The following IQSEC2 variants were observed in gnomAD, a reference collection of about 807,000 sequenced individuals.
The protein encoded by IQSEC2 is IQ motif and SEC7 domain-containing protein 2.
IQSEC2 carries 6 observed loss-of-function variants against 74.6 expected under a neutral mutation model. That is an observed-to-expected ratio of 0.08 (90% CI 0.04 to 0.16). IQSEC2 has a LOEUF of 0.16. IQSEC2 is among the 10% of genes least tolerant of loss of function. The pLI, the probability that IQSEC2 is intolerant of heterozygous loss-of-function variation, is 1.00. For missense variants in IQSEC2, 734 were observed against 1,306.2 expected, an observed-to-expected ratio of 0.56 and a Z score of 6.75; for synonymous variants, 494 against 544.5, an observed-to-expected ratio of 0.91 and a Z score of 1.29.
intron 7 of IQSEC2, among the ~76,000 whole-genome samples, chrX:53,247,616 A>G (rs943220562): frequency 8.9e-6 from 1 of 112,246 alleles, no homozygotes; most frequent in African/African-American, 3.2e-5. Context: ...TGATCTCCAA[A>G]GCATTTATAG....
At chrX:53,281,384 G>A in intron 2 of IQSEC2, 1 of 449,865 alleles carries the variant, frequency 2.2e-6, no homozygotes, top group South Asian at 4.0e-5. Flanking sequence ...CAGAGTCCAA[G>A]AAGGGAGCCA....
intron 2 of IQSEC2, among the ~76,000 whole-genome samples, chrX:53,291,665 T>G (rs782156631): frequency 9.0e-6 from 1 of 111,045 alleles, no homozygotes; most frequent in Non-Finnish European, 1.9e-5. Flanking sequence ...AGCTCCCAAG[T>G]CAACTAGTGT....
chrX:53,245,994 C>T (rs145423141), intron 8 of IQSEC2, among the ~76,000 whole-genome samples: 1,987 of 109,233 alleles, frequency 0.018, 120 homozygotes, highest in Admixed American at 0.16. Context: ...TCCTGAGTGG[C>T]TGGGATTACA....
At chrX:53,236,273 C>T in intron 13 of IQSEC2, 49 bp downstream of exon 13, 1 of 1,149,758 alleles carries the variant, frequency 8.7e-7, no homozygotes, top group Non-Finnish European at 1.2e-6. Context: ...GCAAAGAGGA[C>T]ACCCGGTCCC....
At chrX:53,287,812 C>A (rs1009084147) in intron 2 of IQSEC2, among the ~76,000 whole-genome samples, 1 of 112,242 alleles carries the variant, frequency 8.9e-6, no homozygotes, top group African/African-American at 3.2e-5. Context: ...GGCCAGGCGG[C>A]GGCAGAACAC....
intron 2 of IQSEC2, among the ~76,000 whole-genome samples, chrX:53,280,260 AG>A (rs1358833122): frequency 9.1e-6 from 1 of 109,633 alleles, no homozygotes; most frequent in Admixed American, 9.6e-5. Flanking sequence ...CCTCACAGGA[AG>A]GGAGGAAGGG....
Position 53,247,153 on chromosome X carries a change from T to A in IQSEC2, c.2583-18A>T, listed in dbSNP as rs782309526. The A allele has an allele frequency of 3.3e-6, 4 of 1,203,913 alleles. No individual in the cohort carries two copies. In the South Asian group the frequency reaches 7.2e-5, roughly 22 times the overall value. ...ACCGCTGGCTGCAGGGCAGGAGGGG[T>A]CAAAGCCAGACTCAGGAACCAGCCA... On this transcript the variant is annotated intron_variant, in intron 7 of 14. Transcript: ENST00000642864.
At chrX:53,275,992 C>T (rs1556869494) in intron 2 of IQSEC2, among the ~76,000 whole-genome samples, 1 of 111,018 alleles carries the variant, frequency 9.0e-6, no homozygotes, top group Non-Finnish European at 1.9e-5. Flanking sequence ...TGAGCCACCA[C>T]GCCCAGCCAC....
At chrX:53,266,533 C>T (rs937441027) in intron 2 of IQSEC2, 9 of 757,479 alleles carry the variant, frequency 1.2e-5, no homozygotes, top group Admixed American at 8.4e-5. Context: ...GTCCTGCCCC[C>T]GTCTGGTCCT....
chrX:53,309,408 T>C (rs1397158931), intron 1 of IQSEC2, among the ~76,000 whole-genome samples: 3 of 112,341 alleles, frequency 2.7e-5, no homozygotes, highest in Non-Finnish European at 5.6e-5. Context: ...TTGATTTAGT[T>C]TGTCAAAACA....
intron 1 of IQSEC2, among the ~76,000 whole-genome samples, chrX:53,308,163 C>CAAAAAAAAA (rs142766855): frequency 5.3e-5 from 2 of 37,775 alleles, no homozygotes; most frequent in African/African-American, 1.1e-4. Context: ...GACTCCATCT[C>CAAAAAAAAA]AAAAAAAAAA....
chrX:53,257,681 T>C (rs200418386), intron 2 of IQSEC2, among the ~76,000 whole-genome samples: 2 of 112,366 alleles, frequency 1.8e-5, no homozygotes, highest in African/African-American at 6.5e-5. Context: ...TCAGAAGAGA[T>C]AGCCCAAGTC....
At chrX:53,263,864 T>C (rs1339154922) in intron 2 of IQSEC2, among the ~76,000 whole-genome samples, 1 of 112,570 alleles carries the variant, frequency 8.9e-6, no homozygotes, top group Admixed American at 9.3e-5. Flanking sequence ...CACACCCCCG[T>C]CCTGTTTCCC....
At chrX:53,309,750 T>C in intron 1 of IQSEC2, among the ~76,000 whole-genome samples, 1 of 112,230 alleles carries the variant, frequency 8.9e-6, no homozygotes, top group African/African-American at 3.2e-5. Context: ...ACAAAGGATT[T>C]GAGGGTGCTT....
At chrX:53,229,978 G>A (rs1376117453), downstream of IQSEC2, 10 of 112,424 alleles carry the variant, frequency 8.9e-5, no homozygotes, top group African/African-American at 3.2e-4. Context: ...GTAACAGGGA[G>A]TGGCTGGGGA....
At chrX:53,243,875 G>T (rs1174391668) in intron 8 of IQSEC2, among the ~76,000 whole-genome samples, 2 of 112,188 alleles carry the variant, frequency 1.8e-5, no homozygotes, top group Non-Finnish European at 3.8e-5. Context: ...TCTCTTCTAG[G>T]AATCTACCCT....
chrX:53,288,321 C>T (rs2075053840), intron 2 of IQSEC2, among the ~76,000 whole-genome samples: 2 of 111,979 alleles, frequency 1.8e-5, no homozygotes, highest in Admixed American at 1.9e-4. Flanking sequence ...TCCCACTTCT[C>T]CTCCAACTGC....
In IQSEC2 at chrX:53,294,883, C is replaced by T. The variant is rs782057150; in HGVS notation, c.708-2959G>A. On this transcript the variant is annotated intron_variant, in intron 1 of 14. Transcript: ENST00000642864. ...TGTCGCCCAGGCTGGAGTGCAATGG[C>T]ACTATCTTGGTTCACTGCAACCTCC... Among the ~76,000 whole-genome samples, 4 of 111,736 alleles carry T rather than the reference C, an allele frequency of 3.6e-5. 1 individual carries two copies. The Admixed American group carries it at 3.8e-4, about 11-fold the overall frequency.
At chrX:53,236,601 T>C in intron 12 of IQSEC2, 106 bp from the exon 13 acceptor site, 1 of 885,421 alleles carries the variant, frequency 1.1e-6, no homozygotes, top group Non-Finnish European at 1.6e-6. Flanking sequence ...TCCTCCCTCC[T>C]CCCTCCCTCT....
Sources: gnomAD v4.1 joint callset for allele counts (sites outside exome capture counted in the v4.1 genomes callset) on GRCh38, gnomAD v4.1.1 for gene constraint, MANE v1.5 for transcripts, NCBI Gene and HGNC (gene_info 2026-07-23, HGNC 2026-07-21) for gene names.